ORC3: variants seen among roughly 807,000 people sequenced by gnomAD.
ORC3 encodes origin recognition complex subunit 3.
A neutral mutation model predicts 100.7 loss-of-function variants in ORC3; 78 were observed. The ratio of observed to expected loss-of-function variants is 0.77; its 90% confidence interval spans 0.65 to 0.94. The LOEUF is 0.94. Among genes scored for constraint, ORC3 ranks in the 40% least tolerant of loss-of-function variants. The pLI, the probability that ORC3 is intolerant of heterozygous loss-of-function variation, is 0.00. For synonymous variants in ORC3, 295 were observed against 289.3 expected (o/e 1.02, Z -0.20); for missense variants, 789 against 823.9 (o/e 0.96, Z 0.52).
intron 7 of ORC3, 31 bp downstream of exon 7, chr6:87,609,260 A>T: frequency 6.7e-7 from 1 of 1,486,646 alleles, no homozygotes; most frequent in Admixed American, 2.5e-5. Context: ...CTTTTATGAA[A>T]AACTCCCTTT....
chr6:87,590,286 T>TCCAGCCAGGGAAG, intron 1 of ORC3, 94 bp downstream of exon 1: 2 of 1,348,706 alleles, frequency 1.5e-6, no homozygotes, highest in Non-Finnish European at 2.1e-6. Flanking sequence ...ATCCCTTCCC[T>TCCAGCCAGGGAAG]GGCTGGAGAG....
At chr6:87,641,621 A>C (rs977126648) in intron 13 of ORC3, among the ~76,000 whole-genome samples, 2 of 152,314 alleles carry the variant, frequency 1.3e-5, no homozygotes, top group Middle Eastern at 3.4e-3. Flanking sequence ...CAGACTTACA[A>C]ATCGAAGGTG....
chr6:87,630,488 C>G (rs1357030163), intron 11 of ORC3, among the ~76,000 whole-genome samples: 1 of 152,130 alleles, frequency 6.6e-6, no homozygotes, highest in East Asian at 1.9e-4. Context: ...TTTCTAGTGC[C>G]TATTATGTGC....
rs144517793 is a variant in ORC3 at position 87,664,814 on chromosome 6, G to T, written c.1905G>T (p.Leu635=). The stretch of plus-strand genomic sequence containing the variant: ...CAGACATCTGCATAGCATACAAACT[G>T]CACCTAGAGTGTAGCAGGCTCATCA... The part of the protein sequence containing the change: ...IAPDICIAYK[L]HLECSRLINL... The change falls in exon 18 of 20, where the codon CTG becomes CTT. Residue 635 remains leucine (L), a synonymous_variant. Coordinates refer to ENST00000392844, the MANE Select transcript of ORC3 (RefSeq NM_012381.4). The T allele has an allele frequency of 6.2e-7, 1 of 1,614,046 alleles. No individual in the cohort carries two copies. The highest frequency in any genetic ancestry group is 1.1e-5 in the South Asian group (1 of 91,082).
rs892977325 is a variant in ORC3 at position 87,664,972 on chromosome 6, T to C, written c.1950+113T>C. On this transcript the variant is annotated intron_variant, in intron 18 of 19. Coordinates refer to ENST00000392844, the MANE Select transcript of ORC3 (RefSeq NM_012381.4). ...GGAATTTATCTTGTGTTTAATGCCT[T>C]GTCTTTTATTTGGAAAGCATAAATC... 3 of 670,094 alleles carry C rather than the reference T, an allele frequency of 4.5e-6. No homozygotes were observed. In the African/African-American group the frequency reaches 5.5e-5, roughly 12 times the overall value. 41.5% of individuals were successfully genotyped at this position (670,094 alleles called of 1,614,324 possible). A position where few individuals can be genotyped will look rare whatever the true frequency, so the allele number is the denominator to read the frequency against.
At chr6:87,662,281 C>T (rs28381537) in intron 16 of ORC3, among the ~76,000 whole-genome samples, 2,923 of 152,036 alleles carry the variant, frequency 0.019, 103 homozygotes, top group African/African-American at 0.065. Flanking sequence ...AAAAATTAGC[C>T]GGGCGTGTTG....
At chr6:87,639,990 G>A (rs911756876) in intron 13 of ORC3, among the ~76,000 whole-genome samples, 2 of 151,890 alleles carry the variant, frequency 1.3e-5, no homozygotes, top group Admixed American at 6.6e-5. Context: ...GTGAGATTTC[G>A]TCTCAAAAAT....
chr6:87,641,151 G>T (rs935613302), intron 13 of ORC3, among the ~76,000 whole-genome samples: 2 of 151,960 alleles, frequency 1.3e-5, no homozygotes, highest in Non-Finnish European at 2.9e-5. Context: ...GGAGTATGTT[G>T]GATCAGCCAG....
rs775345823 is a variant in ORC3, at chr6:87,665,755, CT to C, written c.1956del (p.Phe652LeufsTer5). 4.4e-6 allele frequency: 7 copies of C among 1,604,618 alleles called. No individual in the cohort carries two copies. The highest frequency in any genetic ancestry group is 6.0e-6 in the Non-Finnish European group (7 of 1,172,058). ...TCTTCTGTCTTGTCTATTCAAAAGG[CT>C]TTTGCAACAGTTGTGACAGCTGCTG... ...RLINLVDWSE[A>X]FATVVTAAEK... On this transcript the variant is annotated frameshift_variant and splice_region_variant, in exon 19 of 20. Coordinates refer to ENST00000392844, the MANE Select transcript of ORC3 (RefSeq NM_012381.4). LOFTEE classifies it high-confidence loss of function.
Position 87,651,105 on chromosome 6 carries a change from T to C in ORC3, c.1383-2011T>C, listed in dbSNP as rs949177375. 2.0e-5 allele frequency: 9 copies of C among 453,272 alleles called. No homozygotes were observed. In the Admixed American group the frequency reaches 2.1e-4, roughly 11 times the overall value. The allele number at this position is 453,272 out of a possible 1,614,324, so 28.1% of individuals were successfully genotyped here. A position where few individuals can be genotyped will look rare whatever the true frequency, so the allele number is the denominator to read the frequency against. On this transcript the variant is annotated intron_variant, in intron 13 of 19. Transcript: ENST00000392844. ...TCTCCAAGTGACACATTAAGAGTTA[T>C]GACTAATGAAGTTTGCTTCCAAAGT...
At chr6:87,614,248 G>A (rs552359074) in intron 8 of ORC3, among the ~76,000 whole-genome samples, 1 of 152,214 alleles carries the variant, frequency 6.6e-6, no homozygotes, top group Admixed American at 6.5e-5. Context: ...CGAACTTTGT[G>A]TTGGCCCTTT....
rs1048584455 is a variant in ORC3 at position 87,600,968 on chromosome 6, T to C, written c.80-816T>C. Among the ~76,000 whole-genome samples the C allele has an allele frequency of 3.3e-5, 5 of 152,332 alleles. No homozygotes were observed. In the East Asian group the frequency reaches 9.6e-4, roughly 29 times the overall value. On this transcript the variant is annotated intron_variant, in intron 2 of 19. Transcript: ENST00000392844. ...GTTTGAAAGCCAGTGCAATAAATGG[T>C]ATTTTCACAAATAGCTAACCATTTG...
intron 2 of ORC3, among the ~76,000 whole-genome samples, chr6:87,595,989 C>T (rs969643876): frequency 2.0e-5 from 3 of 151,622 alleles, no homozygotes; most frequent in African/African-American, 4.8e-5. Context: ...GCATGCGCTA[C>T]GACGCCTGGC....
intron 11 of ORC3, among the ~76,000 whole-genome samples, chr6:87,624,652 A>G (rs1779762521): frequency 6.6e-6 from 1 of 152,110 alleles, no homozygotes; most frequent in African/African-American, 2.4e-5. Flanking sequence ...CTCATTAGCT[A>G]TCTATATTTA....
intron 1 of ORC3, among the ~76,000 whole-genome samples, chr6:87,592,939 A>G (rs1223346333): frequency 6.6e-6 from 1 of 150,844 alleles, no homozygotes; most frequent in Non-Finnish European, 1.5e-5. Flanking sequence ...TAAAAATACA[A>G]TAAATTAGCC....
At chr6:87,610,294 C>T (rs1332095220) in intron 7 of ORC3, among the ~76,000 whole-genome samples, 3 of 152,040 alleles carry the variant, frequency 2.0e-5, no homozygotes, top group Admixed American at 6.5e-5. Context: ...CTGCCACCTC[C>T]GCCTCCCGGG....
chr6:87,677,035 C>A, the ORC3 span, among the ~76,000 whole-genome samples: 2 of 151,346 alleles, frequency 1.3e-5, no homozygotes, highest in African/African-American at 4.9e-5. Flanking sequence ...CAAGACTGCG[C>A]CACTGCACTC....
intron 13 of ORC3, among the ~76,000 whole-genome samples, chr6:87,643,512 G>T (rs1768446586): frequency 2.0e-5 from 3 of 152,188 alleles, no homozygotes; most frequent in African/African-American, 7.2e-5. Context: ...GCTGTAGGCA[G>T]TTGATCTCAA....
intron 11 of ORC3, among the ~76,000 whole-genome samples, chr6:87,631,322 C>A (rs757181146): frequency 2.0e-5 from 3 of 152,074 alleles, no homozygotes; most frequent in Non-Finnish European, 2.9e-5. Context: ...CAAAGTGTAT[C>A]TCCGTAGAAA....
Sources: gnomAD v4.1 joint callset for allele counts (sites outside exome capture counted in the v4.1 genomes callset) on GRCh38, gnomAD v4.1.1 for gene constraint, MANE v1.5 for transcripts, NCBI Gene and HGNC (gene_info 2026-07-23, HGNC 2026-07-21) for gene names.